RMDN1: variants seen among roughly 807,000 people sequenced by gnomAD.
RMDN1 encodes regulator of microtubule dynamics protein 1.
Under a neutral mutation model 48.9 loss-of-function variants are expected in RMDN1, and 48 were observed. The observed-to-expected ratio is 0.98, with a 90% CI of 0.78 to 1.25. The LOEUF (loss-of-function observed/expected upper bound fraction) is 1.25, where lower values mean the gene tolerates loss of function less well. RMDN1 is among the 50% of genes most tolerant of loss of function. The pLI is 0.00. For missense variants in RMDN1, 418 were observed against 373.4 expected, an observed-to-expected ratio of 1.12 and a Z score of -0.98; for synonymous variants, 148 against 132.6, an observed-to-expected ratio of 1.12 and a Z score of -0.80.
rs772949285 is a variant in RMDN1, at chr8:86,507,144, CTT to C, written c.130-34_130-33del. On this transcript the variant is annotated intron_variant, in intron 1 of 9. Coordinates refer to ENST00000406452, the MANE Select transcript of RMDN1 (RefSeq NM_016033.3). ...AAACAATTATGTTAAGAGTTACAAA[CTT>C]TGAAAATTTGAAGGTACTGCTACCC... 5.7e-5 allele frequency: 81 copies of C among 1,423,224 alleles called. No homozygotes were observed. In the Admixed American group the frequency reaches 6.5e-4, roughly 11 times the overall value. 88.2% of individuals were successfully genotyped at this position (1,423,224 alleles called of 1,614,324 possible). A position where few individuals can be genotyped will look rare whatever the true frequency, so the allele number is the denominator to read the frequency against.
downstream of RMDN1, chr8:86,468,433 T>TA (rs200863041): frequency 1.8e-3 from 751 of 411,526 alleles, 1 homozygote; most frequent in African/African-American, 7.7e-3. Flanking sequence ...CCTAAAGAAT[T>TA]AAAAAAAAAA....
downstream of RMDN1, chr8:86,468,711 C>A (rs1812299777): frequency 2.2e-6 from 1 of 456,122 alleles, no homozygotes; most frequent in Admixed American, 2.4e-5. Flanking sequence ...CAGAACCCTA[C>A]AAGAGACAAA....
chr8:86,508,729 G>A (rs1473118127), upstream of RMDN1: 5 of 1,407,304 alleles, frequency 3.6e-6, no homozygotes, highest in South Asian at 3.1e-5. Flanking sequence ...CCCGCCTCCT[G>A]CACAGCACCT....
chr8:86,504,659 T>C, intron 2 of RMDN1: 1 of 876,470 alleles, frequency 1.1e-6, no homozygotes, highest in Non-Finnish European at 2.0e-6. Flanking sequence ...ATGAGTATAA[T>C]GGGATGAGCT....
chr8:86,488,758 T>C lies in RMDN1; in HGVS notation c.248-119A>G, dbSNP rs904155023. 5 of 533,474 alleles carry C rather than the reference T, an allele frequency of 9.4e-6. No individual in the cohort carries two copies. In the South Asian group the frequency reaches 1.9e-4, roughly 20 times the overall value. The allele number at this position is 533,474 out of a possible 1,614,324, so 33.0% of individuals were successfully genotyped here. On this transcript the variant is annotated intron_variant, in intron 2 of 9. Coordinates refer to ENST00000406452, the MANE Select transcript of RMDN1 (RefSeq NM_016033.3). ...AAGCAAATGAAATTAGATACAGAAA[T>C]GACCTACAATGAAACAGCAGAAATT... is the stretch of plus-strand genomic sequence containing the variant.
chr8:86,504,373 T>C, intron 2 of RMDN1: 1 of 1,568,298 alleles, frequency 6.4e-7, no homozygotes, highest in Non-Finnish European at 8.8e-7. Flanking sequence ...CTTTAGAGTA[T>C]CCAGCTACCA....
chr8:86,507,144 C>T, intron 1 of RMDN1, 32 bp from the exon 2 acceptor site: 1 of 1,423,344 alleles, frequency 7.0e-7, no homozygotes, highest in Non-Finnish European at 9.9e-7. Context: ...GAGTTACAAA[C>T]TTTGAAAATT....
At chr8:86,507,555 G>A (rs747663478) in intron 1 of RMDN1, among the ~76,000 whole-genome samples, 53 of 152,246 alleles carry the variant, frequency 3.5e-4, no homozygotes, top group Non-Finnish European at 1.6e-4. Flanking sequence ...GCCCAGGCTG[G>A]TTTCAAACCC....
At chr8:86,482,353 G>T in intron 5 of RMDN1, 2 of 351,346 alleles carry the variant, frequency 5.7e-6, no homozygotes, top group South Asian at 2.6e-5. Flanking sequence ...AGTAAGCCGA[G>T]ATCACACCAC....
At chr8:86,512,487 C>G (rs1265004474), upstream of RMDN1, among the ~76,000 whole-genome samples, 1 of 152,226 alleles carries the variant, frequency 6.6e-6, no homozygotes, top group Non-Finnish European at 1.5e-5. Context: ...CTGGCTGCTG[C>G]TTATTTTTCA....
Position 86,484,937 on chromosome 8 carries a change from C to T in RMDN1, c.520G>A (p.Val174Ile), listed in dbSNP as rs187179896. 1.4e-5 allele frequency: 22 copies of T among 1,605,864 alleles called. No homozygotes were observed. The Admixed American group carries it at 3.5e-4, about 26-fold the overall frequency. ...GCCTTGATGCCTTCATAATCTCCAA[C>T]ATCACTAAGGCAGATTGCATACCAC... ...HKWYAICLSDVGDYEGIKAKI... is the reference protein window; with the variant it reads ...HKWYAICLSDIGDYEGIKAKI... Residue 174 changes from valine (V) to isoleucine (I), a missense_variant, in exon 5 of 10, where the codon GTT (valine) becomes ATT (isoleucine). Val to Ile is a conservative substitution (Grantham distance 29, BLOSUM62 3). Transcript: ENST00000406452.
At chr8:86,511,979 G>C (rs1434632235), upstream of RMDN1, among the ~76,000 whole-genome samples, 4 of 152,294 alleles carry the variant, frequency 2.6e-5, no homozygotes, top group Non-Finnish European at 5.9e-5. Context: ...CTCTCCACCA[G>C]GTGGTGTTTT....
chr8:86,474,335 C>A lies in RMDN1; in HGVS notation c.918G>T (p.Leu306Phe). 1 of 1,613,426 alleles carries A rather than the reference C, an allele frequency of 6.2e-7. No individual in the cohort carries two copies. The highest frequency in any genetic ancestry group is 8.5e-7 in the Non-Finnish European group (1 of 1,179,514). Residue 306 changes from leucine to phenylalanine, a missense_variant, in exon 10 of 10, where the codon TTG becomes TTT. Coordinates refer to ENST00000406452, the MANE Select transcript of RMDN1 (RefSeq NM_016033.3). ...DKQIQTEAAQ[L>F]LTSFSEKN is the part of the protein sequence containing the mutation. The stretch of plus-strand genomic sequence containing the variant: ...AATTCTTCTCACTGAAACTTGTAAG[C>A]AACTGAGCAGCTTCTGTCTGTATCT...
chr8:86,503,374 A>AAAAAAAAAAAAAAAAAAAAAAAAAAAT (rs1818654263), intron 2 of RMDN1, among the ~76,000 whole-genome samples: 1 of 77,300 alleles, frequency 1.3e-5, no homozygotes, highest in Non-Finnish European at 2.2e-5. Flanking sequence ...AACAAAACAA[A>AAAAAAAAAAAAAAAAAAAAAAAAAAAT]AAAAAAAAAA....
upstream of RMDN1, chr8:86,508,801 G>T: frequency 8.0e-7 from 1 of 1,253,392 alleles, no homozygotes; most frequent in Non-Finnish European, 1.0e-6. Flanking sequence ...GGCTTAGGGG[G>T]TGGGAAATAC....
downstream of RMDN1, among the ~76,000 whole-genome samples, chr8:86,471,666 A>AAGAT (rs576066888): frequency 1.1e-3 from 169 of 152,350 alleles, no homozygotes; most frequent in African/African-American, 3.8e-3. Context: ...AGGGATATGG[A>AAGAT]AGATATAAAT....
downstream of RMDN1, among the ~76,000 whole-genome samples, chr8:86,468,992 T>G (rs997856773): frequency 1.3e-5 from 2 of 151,888 alleles, no homozygotes; most frequent in Non-Finnish European, 2.9e-5. Context: ...CAGAGACAGG[T>G]TTATATTGCT....
rs138817303 is a variant in RMDN1, at chr8:86,481,420, CA to C, written c.586-1089del. Among the ~76,000 whole-genome samples the C allele has an allele frequency of 5.8e-3, 877 of 152,046 alleles. 7 individuals carry two copies. Among genetic ancestry groups the C allele is most frequent in the African/African-American group, 0.02 (838 of 41,492 alleles). ...GAGTTCCACTAAAAATTAAGCCCTA[CA>C]AAAAAATTGTGTAAGTAACTATTTT... On this transcript the variant is annotated intron_variant, in intron 5 of 9. Coordinates refer to ENST00000406452, the MANE Select transcript of RMDN1 (RefSeq NM_016033.3).
At chr8:86,508,697 C>T (rs1229138183), upstream of RMDN1, 5 of 1,429,150 alleles carry the variant, frequency 3.5e-6, no homozygotes, top group Admixed American at 6.0e-5. Flanking sequence ...AGATTCAATC[C>T]TTCCGGAAAG....
Sources: allele counts gnomAD v4.1 joint callset (sites outside exome capture counted in the v4.1 genomes callset), GRCh38; gene constraint gnomAD v4.1.1; transcripts MANE v1.5; gene names NCBI Gene and HGNC (gene_info 2026-07-23, HGNC 2026-07-21).